Variants in SLC9C1 observed in about 807,000 individuals in gnomAD.
The protein encoded by SLC9C1 is sodium/hydrogen exchanger 10.
Under a neutral mutation model 140.9 loss-of-function variants are expected in SLC9C1, and 97 were observed. That is an observed-to-expected ratio of 0.69 (90% confidence interval 0.58 to 0.82). SLC9C1 has a LOEUF of 0.82. Ranked by LOEUF, SLC9C1 falls within the 40% of genes least tolerant of loss-of-function variation. The probability of loss-of-function intolerance (pLI) is 0.00; values close to 1 mark genes in which losing one functional copy is unlikely to be tolerated. For synonymous variants in SLC9C1, 440 were observed against 442.6 expected (o/e 0.99, Z 0.07); for missense variants, 1,340 against 1,389.3 (o/e 0.96, Z 0.56).
intron 1 of SLC9C1, among the ~76,000 whole-genome samples, chr3:112,292,941 G>T (rs1036086882): frequency 1.3e-5 from 2 of 151,566 alleles, no homozygotes; most frequent in Non-Finnish European, 2.9e-5. Context: ...AAAAAATATT[G>T]GTTTATCACA....
In SLC9C1 at chr3:112,150,838, A is replaced by G. The variant is rs1252118113; in HGVS notation, c.3524+1019T>C. 2.2e-4 allele frequency among the ~76,000 whole-genome samples: 13 copies of G among 58,094 alleles called. 1 individual carries two copies. The Admixed American group carries it at 3.0e-3, about 13-fold the overall frequency. The allele number at this position is 58,094 out of a possible 152,430, so 38.1% of individuals were successfully genotyped here. ...TACATATACATATATATATATATAT[A>G]TATTTTTTTTTTTTTTTGAGATGAA... On this transcript the variant is annotated intron_variant, in intron 28 of 28. Transcript: ENST00000305815.
chr3:112,267,596 A>AG (rs1252181766), intron 7 of SLC9C1, among the ~76,000 whole-genome samples: 52 of 138,832 alleles, frequency 3.7e-4, no homozygotes, highest in African/African-American at 1.1e-3. Context: ...AAAAAAAAAA[A>AG]AGAGAGAGAG....
At chr3:112,255,021 A>G (rs1252192985) in intron 10 of SLC9C1, among the ~76,000 whole-genome samples, 1 of 152,232 alleles carries the variant, frequency 6.6e-6, no homozygotes, top group Non-Finnish European at 1.5e-5. Flanking sequence ...GTTCAATTCA[A>G]TAAGAAGACC....
intron 13 of SLC9C1, among the ~76,000 whole-genome samples, chr3:112,222,526 A>G (rs536127158): frequency 2.0e-5 from 3 of 152,302 alleles, no homozygotes; most frequent in Non-Finnish European, 4.4e-5. Flanking sequence ...TACATGGAGT[A>G]TACACTGCAG....
intron 23 of SLC9C1, among the ~76,000 whole-genome samples, chr3:112,174,530 C>G (rs1035690419): frequency 4.6e-5 from 7 of 152,148 alleles, no homozygotes; most frequent in Non-Finnish European, 8.8e-5. Flanking sequence ...CTCTAGGAGC[C>G]TCTCCCTGGG....
intron 8 of SLC9C1, among the ~76,000 whole-genome samples, chr3:112,265,044 A>G (rs1232483728): frequency 6.6e-6 from 1 of 152,022 alleles, no homozygotes; most frequent in African/African-American, 2.4e-5. Context: ...TGTGACTTAG[A>G]GTTCTATAGA....
intron 12 of SLC9C1, among the ~76,000 whole-genome samples, chr3:112,236,133 G>A (rs1049453913): frequency 3.9e-5 from 6 of 152,198 alleles, no homozygotes; most frequent in Middle Eastern, 3.4e-3. Context: ...ATTAATTATT[G>A]CTTCCATTTC....
chr3:112,216,237 T>TA (rs1263294765), intron 15 of SLC9C1, among the ~76,000 whole-genome samples: 1 of 152,112 alleles, frequency 6.6e-6, no homozygotes, highest in African/African-American at 2.4e-5. Context: ...ATGTTAGACC[T>TA]AAAACCATAA....
At chr3:112,270,262 T>C (rs150849484) in intron 6 of SLC9C1, among the ~76,000 whole-genome samples, 185 bp from the exon 7 acceptor site, 34 of 152,312 alleles carry the variant, frequency 2.2e-4, no homozygotes, top group Non-Finnish European at 3.5e-4. Context: ...TACCCAGAAG[T>C]AGGATTACTG....
At chr3:112,155,105 T>G in intron 26 of SLC9C1, 56 bp from the exon 27 acceptor site, 2 of 1,433,268 alleles carry the variant, frequency 1.4e-6, no homozygotes, top group South Asian at 1.2e-5. Context: ...AGTGACTATT[T>G]CTATTAGTCC....
chr3:112,237,600 G>T (rs2079026066), intron 12 of SLC9C1, among the ~76,000 whole-genome samples: 2 of 152,192 alleles, frequency 1.3e-5, no homozygotes, highest in African/African-American at 2.4e-5. Context: ...GGTACCGGTT[G>T]TTCCTTTCCA....
intron 16 of SLC9C1, 55 bp from the exon 17 acceptor site, chr3:112,204,458 C>A: frequency 6.7e-7 from 1 of 1,489,872 alleles, no homozygotes; most frequent in Non-Finnish European, 9.0e-7. Flanking sequence ...TTTACTACAC[C>A]ATTTTCCACA....
intron 12 of SLC9C1, among the ~76,000 whole-genome samples, chr3:112,232,885 T>C (rs2078865576): frequency 6.6e-6 from 1 of 151,952 alleles, no homozygotes; most frequent in African/African-American, 2.4e-5. Flanking sequence ...CTTTGAATTC[T>C]ATTTTATATT....
chr3:112,203,224 A>G (rs1165575181), intron 17 of SLC9C1, among the ~76,000 whole-genome samples: 1 of 152,018 alleles, frequency 6.6e-6, no homozygotes, highest in Non-Finnish European at 1.5e-5. Context: ...ATTTAACATA[A>G]GACCATAGTT....
chr3:112,157,091 A>G (rs529254769), intron 26 of SLC9C1, among the ~76,000 whole-genome samples: 1 of 151,974 alleles, frequency 6.6e-6, no homozygotes, highest in South Asian at 2.1e-4. Context: ...GCAAAAAAAT[A>G]TTCAGGCCAA....
Position 112,160,676 on chromosome 3 carries a change from AC to A in SLC9C1, c.3365-5628del, listed in dbSNP as rs1576231260. 3.3e-5 allele frequency among the ~76,000 whole-genome samples: 5 copies of A among 151,156 alleles called. No homozygotes were observed. In the East Asian group the frequency reaches 9.7e-4, roughly 29 times the overall value. ...TCTTAATCCAGTCTATCATTGTTGG[AC>A]ATTTGGGTTGGTTCCAAGTCTTTGC... On this transcript the variant is annotated intron_variant, in intron 26 of 28. Transcript: ENST00000305815.
At chr3:112,269,414 C>A (rs2080010733) in intron 7 of SLC9C1, among the ~76,000 whole-genome samples, 2 of 152,142 alleles carry the variant, frequency 1.3e-5, no homozygotes, top group African/African-American at 2.4e-5. Flanking sequence ...CTGGTAGGAA[C>A]CCTCTTTTTG....
chr3:112,258,166 T>C (rs2079664343), intron 10 of SLC9C1, among the ~76,000 whole-genome samples: 1 of 152,206 alleles, frequency 6.6e-6, no homozygotes, highest in Non-Finnish European at 1.5e-5. Context: ...AGAATTACCA[T>C]TTGACCCAGC....
At chr3:112,214,018 A>AC (rs1205940301) in intron 15 of SLC9C1, among the ~76,000 whole-genome samples, 1 of 152,256 alleles carries the variant, frequency 6.6e-6, no homozygotes, top group African/African-American at 2.4e-5. Context: ...CTCTCAGACC[A>AC]CAGTGCAATC....
Sources: allele counts gnomAD v4.1 joint callset (sites outside exome capture counted in the v4.1 genomes callset), GRCh38; gene constraint gnomAD v4.1.1; transcripts MANE v1.5; gene names NCBI Gene and HGNC (gene_info 2026-07-23, HGNC 2026-07-21).